The following SPINT2 variants were observed in gnomAD, a reference collection of about 807,000 sequenced individuals.
SPINT2 encodes kunitz-type protease inhibitor 2.
Under a neutral mutation model 30.1 loss-of-function variants are expected in SPINT2, and 18 were observed. The observed-to-expected ratio is 0.60, with a 90% CI of 0.41 to 0.89. SPINT2 has a LOEUF of 0.89. Ranked by LOEUF, SPINT2 falls within the 40% of genes least tolerant of loss-of-function variation. The pLI is 0.00. For synonymous variants in SPINT2, 139 were observed against 137.9 expected (o/e 1.01, Z -0.05); for missense variants, 276 against 334.3 (o/e 0.83, Z 1.36).
rs746065645 is a variant in SPINT2 at position 38,291,937 on chromosome 19, T to G, written c.690T>G (p.Arg230=). The part of the protein sequence containing the change: ...LIRVARRNQE[R]ALRTVWSSGD... The stretch of plus-strand genomic sequence containing the variant: ...GGGTGGCACGGAGGAACCAGGAGCG[T>G]GCCCTGCGCACCGTCTGGAGCTCCG... Residue 230 remains arginine (R), a synonymous_variant, in exon 7 of 7, where the codon CGT becomes CGG. Transcript: ENST00000301244. The G allele has an allele frequency of 5.0e-6, 8 of 1,613,970 alleles. No individual in the cohort carries two copies. Among genetic ancestry groups the G allele is most frequent in the Non-Finnish European group, 6.8e-6 (8 of 1,180,006 alleles).
chr19:38,292,327 G>A lies in SPINT2; in HGVS notation c.*321G>A, dbSNP rs778795520. The A allele has an allele frequency of 9.9e-5, 21 of 212,470 alleles. No homozygotes were observed. The highest frequency in any genetic ancestry group is 1.8e-4 in the Non-Finnish European group (19 of 105,814). The allele number at this position is 212,470 out of a possible 1,614,324, so 13.2% of individuals were successfully genotyped here. On this transcript the variant is annotated 3_prime_UTR_variant, in exon 7 of 7. Transcript: ENST00000301244. ...TCATCACAGAAGTGATGTTGGAATC[G>A]TTTCTTTTGTTTGTCTGATTTATGG...
chr19:38,265,164 G>A (rs139870517), intron 1 of SPINT2, among the ~76,000 whole-genome samples, 166 bp downstream of exon 1: 532 of 152,350 alleles, frequency 3.5e-3, no homozygotes, highest in Non-Finnish European at 5.7e-3. Context: ...CTTGAAATGA[G>A]GTTTGGGAGC....
In SPINT2 at chr19:38,264,761, C is replaced by A. The variant is rs535298967; in HGVS notation, c.-132C>A. 1 of 953,840 alleles carries A rather than the reference C, an allele frequency of 1.0e-6. No homozygotes were observed. The highest frequency in any genetic ancestry group is 1.6e-6 in the Non-Finnish European group (1 of 644,694). The allele number at this position is 953,840 out of a possible 1,614,324, so 59.1% of individuals were successfully genotyped here. A position where few individuals can be genotyped will look rare whatever the true frequency, so the allele number is the denominator to read the frequency against. Reference sequence around the variant, plus strand: ...GACTTCCGGGGGCTTTGGCACCTGGCGGACCCTCCCGGAGCGTCGGCACCT... The same window carrying A: ...GACTTCCGGGGGCTTTGGCACCTGGAGGACCCTCCCGGAGCGTCGGCACCT... On this transcript the variant is annotated 5_prime_UTR_variant, in exon 1 of 7. Coordinates refer to ENST00000301244, the MANE Select transcript of SPINT2 (RefSeq NM_021102.4).
chr19:38,276,891 C>T (rs1486387561), intron 1 of SPINT2, among the ~76,000 whole-genome samples: 1 of 151,884 alleles, frequency 6.6e-6, no homozygotes, highest in African/African-American at 2.4e-5. Context: ...ACCTCCACCT[C>T]TTGGGTTCAA....
Position 38,290,977 on chromosome 19 carries a change from C to CG in SPINT2, c.592+405dup. The CG allele has an allele frequency of 3.1e-6, 1 of 318,006 alleles. No individual in the cohort carries two copies. Among genetic ancestry groups the CG allele is most frequent in the Non-Finnish European group, 6.1e-6 (1 of 164,254 alleles). 19.7% of individuals were successfully genotyped at this position (318,006 alleles called of 1,614,324 possible). On this transcript the variant is annotated intron_variant, in intron 6 of 6. Transcript: ENST00000301244. This position sits in a 1 kb window ranked among gnomAD's most constrained non-coding sequence, Gnocchi z 4.3. ...GTTTCCCAACACAGTCTGGTCTGAG[C>CG]GGGAGGCCAGGCCTCTGGCCTGTGT...
At chr19:38,272,894 G>A (rs1465675127) in intron 1 of SPINT2, among the ~76,000 whole-genome samples, 1 of 152,018 alleles carries the variant, frequency 6.6e-6, no homozygotes, top group Non-Finnish European at 1.5e-5. Flanking sequence ...TCATTTTTTT[G>A]TATTTTTAGT....
intron 1 of SPINT2, among the ~76,000 whole-genome samples, chr19:38,270,008 G>A (rs1463554687): frequency 2.0e-5 from 3 of 152,266 alleles, no homozygotes; most frequent in African/African-American, 7.2e-5. Context: ...TTACAGGCTC[G>A]AGCCACGTGG....
intron 1 of SPINT2, among the ~76,000 whole-genome samples, chr19:38,270,178 G>A (rs1455148577): frequency 6.6e-6 from 1 of 152,160 alleles, no homozygotes; most frequent in Non-Finnish European, 1.5e-5. Flanking sequence ...TCACCCCCAT[G>A]GATAGTCGTG....
At position 38,283,618 on chromosome 19, in the gene SPINT2, G is replaced by A. The variant is rs754707548; in HGVS notation, c.107-9G>A. 3.1e-6 allele frequency: 5 copies of A among 1,613,880 alleles called. No homozygotes were observed. In the South Asian group the frequency reaches 5.5e-5, roughly 18 times the overall value. On this transcript the variant is annotated splice_polypyrimidine_tract_variant and intron_variant, in intron 1 of 6. Transcript: ENST00000301244. ...TGCCAAGCTAACCGGGTTGTGCTTC[G>A]CGTTTCAGACTTCTGCCTGGTGTCG...
At chr19:38,286,480 T>C (rs1442242312) in intron 2 of SPINT2, among the ~76,000 whole-genome samples, 2 of 152,096 alleles carry the variant, frequency 1.3e-5, no homozygotes, top group Admixed American at 1.3e-4. Context: ...AGATAAGCGC[T>C]GTGTAAAATG....
chr19:38,290,347 T>C lies in SPINT2; in HGVS notation c.553+67T>C, dbSNP rs538166231. 121 of 1,588,076 alleles carry C rather than the reference T, an allele frequency of 7.6e-5. No homozygotes were observed. In the African/African-American group the frequency reaches 1.5e-3, roughly 20 times the overall value. On this transcript the variant is annotated intron_variant, in intron 5 of 6. Transcript: ENST00000301244. This position sits in a 1 kb window ranked among gnomAD's most constrained non-coding sequence, Gnocchi z 4.3. ...GGACCCCGGTCCATCTCCCCATCCC[T>C]AAAATATGAAGGCCTTGGAAATGCT...
intron 6 of SPINT2, 64 bp from the exon 7 acceptor site, chr19:38,291,776 G>A (rs1392776458): frequency 1.3e-6 from 2 of 1,581,482 alleles, no homozygotes; most frequent in African/African-American, 1.3e-5. Context: ...GGCCCTTGGT[G>A]AGCGCCACTC....
At position 38,291,946 on chromosome 19, in the gene SPINT2, C is replaced by A. The variant is rs140049574; in HGVS notation, c.699C>A (p.Arg233=). 2 of 1,614,126 alleles carry A rather than the reference C, an allele frequency of 1.2e-6. No individual in the cohort carries two copies. Among genetic ancestry groups the A allele is most frequent in the Admixed American group, 3.3e-5 (2 of 60,008 alleles). ...GGAGGAACCAGGAGCGTGCCCTGCG[C>A]ACCGTCTGGAGCTCCGGAGATGACA... is the stretch of plus-strand genomic sequence containing the variant. ...VARRNQERAL[R]TVWSSGDDKE... is the part of the protein sequence containing the mutation. The change falls in exon 7 of 7, where the codon CGC becomes CGA. Residue 233 remains arginine (R), a synonymous_variant. Coordinates refer to ENST00000301244, the MANE Select transcript of SPINT2 (RefSeq NM_021102.4).
intron 1 of SPINT2, among the ~76,000 whole-genome samples, chr19:38,270,387 T>C (rs1290159015): frequency 6.6e-6 from 1 of 152,190 alleles, no homozygotes; most frequent in South Asian, 2.1e-4. Context: ...AAATGTTTAT[T>C]GAGCACCCAC....
At chr19:38,285,557 C>T (rs905693033) in intron 2 of SPINT2, among the ~76,000 whole-genome samples, 1 of 152,110 alleles carries the variant, frequency 6.6e-6, no homozygotes, top group Non-Finnish European at 1.5e-5. Context: ...GTTACCCAGG[C>T]TGGTCTCAAA....
chr19:38,291,163 A>G (rs1465645635), intron 6 of SPINT2: 3 of 171,872 alleles, frequency 1.7e-5, no homozygotes, highest in Admixed American at 1.1e-4. Context: ...GGGGCTGGGA[A>G]GCAAGCAGTC....
At chr19:38,287,778 G>A in intron 2 of SPINT2, 98 bp from the exon 3 acceptor site, 2 of 1,293,200 alleles carry the variant, frequency 1.5e-6, no homozygotes, top group East Asian at 2.3e-5. Flanking sequence ...AAGGAGAAGT[G>A]GATGCTGTGG....
intron 1 of SPINT2, among the ~76,000 whole-genome samples, chr19:38,278,928 G>A (rs745743624): frequency 6.6e-6 from 1 of 152,136 alleles, no homozygotes; most frequent in Non-Finnish European, 1.5e-5. Context: ...TAAAACAAAT[G>A]AGCAAACAAA....
chr19:38,291,152 C>T (rs1357010401), intron 6 of SPINT2: 3 of 171,232 alleles, frequency 1.8e-5, no homozygotes, highest in Non-Finnish European at 3.8e-5. Flanking sequence ...TTGCCAGGCA[C>T]GGGGCTGGGA....
Sources: allele counts gnomAD v4.1 joint callset (sites outside exome capture counted in the v4.1 genomes callset), GRCh38; gene constraint gnomAD v4.1.1; non-coding constraint Gnocchi (gnomAD v3.1); transcripts MANE v1.5; gene names NCBI Gene and HGNC (gene_info 2026-07-23, HGNC 2026-07-21).